Variants in MTHFS observed in about 807,000 individuals in gnomAD.
MTHFS encodes methenyltetrahydrofolate synthetase.
MTHFS carries 7 observed loss-of-function variants against 12.7 expected under a neutral mutation model. That is an observed-to-expected ratio of 0.55 (90% CI 0.31 to 1.03). The LOEUF is 1.03. MTHFS is among the 50% of genes least tolerant of loss of function. MTHFS has a pLI of 0.05. For synonymous variants in MTHFS, 100 were observed against 97.1 expected, an observed-to-expected ratio of 1.03 and a Z score of -0.18; for missense variants, 252 against 258.1, an observed-to-expected ratio of 0.98 and a Z score of 0.16.
At chr15:79,857,205 C>A (rs752860261) in intron 2 of MTHFS, among the ~76,000 whole-genome samples, 13 of 152,124 alleles carry the variant, frequency 8.5e-5, no homozygotes, top group Middle Eastern at 3.4e-3. Context: ...ATCATGTTGG[C>A]CAGGCTGGTC....
At chr15:79,874,778 T>G (rs1387222167) in intron 2 of MTHFS, among the ~76,000 whole-genome samples, 1 of 152,080 alleles carries the variant, frequency 6.6e-6, no homozygotes, top group Non-Finnish European at 1.5e-5. Flanking sequence ...AAAAAAGAAT[T>G]CAGCGATATT....
At chr15:79,886,412 C>T (rs2034382733) in intron 2 of MTHFS, among the ~76,000 whole-genome samples, 1 of 152,128 alleles carries the variant, frequency 6.6e-6, no homozygotes, top group African/African-American at 2.4e-5. Flanking sequence ...GAGCTTTGAC[C>T]CCAGACTGAA....
chr15:79,852,099 T>C (rs2141342897), intron 2 of MTHFS, among the ~76,000 whole-genome samples: 1 of 152,350 alleles, frequency 6.6e-6, no homozygotes, highest in East Asian at 1.9e-4. Context: ...ACACAGGTAC[T>C]TCCATCAAAC....
At chr15:79,846,329 C>T (rs976706011) in intron 2 of MTHFS, among the ~76,000 whole-genome samples, 1 of 152,176 alleles carries the variant, frequency 6.6e-6, no homozygotes. Flanking sequence ...TGCCCTGTAG[C>T]CTCCTTATAC....
rs764862907 is a variant in MTHFS, at chr15:79,896,954, C to A, written c.35G>T (p.Ser12Ile). The A allele has an allele frequency of 4.4e-5, 68 of 1,536,658 alleles. No individual in the cohort carries two copies. The South Asian group carries it at 7.2e-4, about 16-fold the overall frequency. The change falls in exon 1 of 3, where the codon AGC becomes ATC. Residue 12 changes from serine (S) to isoleucine (I), a missense_variant. Ser to Ile is a moderately radical substitution (Grantham distance 142). Transcript: ENST00000258874. ...AAAAVSSAKRSLRGELKQRLR... is the reference protein window; with the variant it reads ...AAAAVSSAKRILRGELKQRLR... ...ACGCTGCTTCAGCTCTCCCCGCAGG[C>A]TCCGCTTGGCGCTGCTCACCGCTGC...
chr15:79,855,614 C>G (rs1311856099), intron 2 of MTHFS, among the ~76,000 whole-genome samples: 1 of 152,076 alleles, frequency 6.6e-6, no homozygotes, highest in Non-Finnish European at 1.5e-5. Flanking sequence ...TTTCATCACC[C>G]AGGTACTAAG....
chr15:79,874,811 G>C (rs760270806), intron 2 of MTHFS, among the ~76,000 whole-genome samples: 8 of 152,110 alleles, frequency 5.3e-5, no homozygotes, highest in Non-Finnish European at 1.0e-4. Flanking sequence ...TTTTGTAAGA[G>C]GAGAAATATG....
chr15:79,889,300 T>C lies in MTHFS; in HGVS notation c.172A>G (p.Met58Val), dbSNP rs1193851172. 5.0e-6 allele frequency: 8 copies of C among 1,614,134 alleles called. No individual in the cohort carries two copies. The highest frequency in any genetic ancestry group is 1.3e-5 in the African/African-American group (1 of 74,942). Reference sequence around the variant, plus strand: ...TCTTCTGTCTCAATTTCATCTTGCATGCTCAGAAAGATGGAAATTCTTTTG... The same window carrying C: ...TCTTCTGTCTCAATTTCATCTTGCACGCTCAGAAAGATGGAAATTCTTTTG... ...KSKRISIFLS[M>V]QDEIETEEII... The change falls in exon 2 of 3, where the codon ATG (methionine) becomes GTG (valine). Residue 58 changes from methionine to valine, a missense_variant. By Grantham distance (21) the Met-to-Val change is conservative. Transcript: ENST00000258874.
intron 2 of MTHFS, among the ~76,000 whole-genome samples, chr15:79,847,673 A>G (rs1425038828): frequency 6.7e-6 from 1 of 149,662 alleles, no homozygotes; most frequent in Non-Finnish European, 1.5e-5. Context: ...CCGTCTCAAA[A>G]AAAAAAAAAA....
rs1033592518 is a variant in MTHFS at position 79,844,115 on chromosome 15, C to G, written c.*1095G>C. 6.6e-6 allele frequency: 1 copy of G among 152,158 alleles called. No homozygotes were observed. Among genetic ancestry groups the G allele is most frequent in the East Asian group, 1.9e-4 (1 of 5,184 alleles). The allele number at this position is 152,158 out of a possible 1,614,324, so 9.4% of individuals were successfully genotyped here. ...GGGCTTTGTATACAACAGAAGCCAT[C>G]TGTTTGCTACCCAAGAGGCTCTGAA... On this transcript the variant is annotated 3_prime_UTR_variant, in exon 3 of 3. Transcript: ENST00000258874.
intron 2 of MTHFS, among the ~76,000 whole-genome samples, chr15:79,878,395 G>T (rs776667447): frequency 5.3e-5 from 8 of 151,372 alleles, no homozygotes; most frequent in Non-Finnish European, 8.8e-5. Flanking sequence ...GCTTACACTG[G>T]CGCAAAGCAA....
Position 79,844,900 on chromosome 15 carries a change from G to A in MTHFS, c.*310C>T, listed in dbSNP as rs891272821. 23 of 352,660 alleles carry A rather than the reference G, an allele frequency of 6.5e-5. No homozygotes were observed. Among genetic ancestry groups the A allele is most frequent in the South Asian group, 4.3e-4 (15 of 35,148 alleles). 21.8% of individuals were successfully genotyped at this position (352,660 alleles called of 1,614,324 possible). On this transcript the variant is annotated 3_prime_UTR_variant, in exon 3 of 3. Transcript: ENST00000258874. ...GTTTACCTTCCTCTCGCACTCAGTC[G>A]GAGCACAGTTCCTCATAAATATTTA... is the stretch of plus-strand genomic sequence containing the variant.
At chr15:79,859,589 G>C (rs538222935) in intron 2 of MTHFS, among the ~76,000 whole-genome samples, 1 of 152,124 alleles carries the variant, frequency 6.6e-6, no homozygotes, top group Non-Finnish European at 1.5e-5. Context: ...AGGCCGAGGC[G>C]GGCAGATCAC....
intron 2 of MTHFS, among the ~76,000 whole-genome samples, chr15:79,869,995 A>C (rs1391428518): frequency 8.5e-5 from 13 of 152,246 alleles, no homozygotes; most frequent in Non-Finnish European, 2.9e-5. Flanking sequence ...AGTTGAAAAT[A>C]GTTCCCTGGA....
intron 2 of MTHFS, chr15:79,878,260 C>G (rs184718951): frequency 1.3e-5 from 2 of 151,748 alleles, no homozygotes; most frequent in African/African-American, 4.9e-5. Flanking sequence ...CGGGGTAAAC[C>G]AGGAGGATCT....
intron 2 of MTHFS, among the ~76,000 whole-genome samples, chr15:79,848,524 A>T (rs887758881): frequency 3.9e-5 from 6 of 152,248 alleles, no homozygotes; most frequent in African/African-American, 1.4e-4. Context: ...AAAAATTTAA[A>T]AAAGCAAAGA....
At chr15:79,892,351 GATTT>G (rs1007925243) in intron 1 of MTHFS, among the ~76,000 whole-genome samples, 2 of 152,070 alleles carry the variant, frequency 1.3e-5, no homozygotes, top group African/African-American at 4.8e-5. Flanking sequence ...AAAGAGAGTG[GATTT>G]ATTTTAACAG....
At chr15:79,861,556 A>C (rs73474553) in intron 2 of MTHFS, among the ~76,000 whole-genome samples, 11 of 152,316 alleles carry the variant, frequency 7.2e-5, no homozygotes, top group African/African-American at 2.2e-4. Context: ...CACCTATAAA[A>C]ATTTAGAATT....
chr15:79,846,456 A>G (rs1420252847), intron 2 of MTHFS, among the ~76,000 whole-genome samples: 1 of 152,212 alleles, frequency 6.6e-6, no homozygotes, highest in East Asian at 1.9e-4. Context: ...GGAAGCCATG[A>G]ATTCTCCAGA....
Sources: gnomAD v4.1 joint callset for allele counts (sites outside exome capture counted in the v4.1 genomes callset) on GRCh38, gnomAD v4.1.1 for gene constraint, MANE v1.5 for transcripts, NCBI Gene and HGNC (gene_info 2026-07-23, HGNC 2026-07-21) for gene names.